Variants in ZNF385D observed in about 807,000 individuals in gnomAD.
The protein encoded by ZNF385D is zinc finger protein 659.
In ZNF385D, 15 loss-of-function variants were observed where a neutral mutation model predicts 35.8. The observed-to-expected ratio is 0.42, with a 90% CI of 0.28 to 0.64. ZNF385D has a LOEUF of 0.64. Ranked by LOEUF, ZNF385D falls within the 30% of genes least tolerant of loss-of-function variation. The probability of loss-of-function intolerance (pLI) is 0.23; values close to 1 mark genes in which losing one functional copy is unlikely to be tolerated. For missense variants in ZNF385D, 474 were observed against 494.6 expected (o/e 0.96, Z 0.39); for synonymous variants, 212 against 186.8 (o/e 1.13, Z -1.10).
intron 2 of ZNF385D, among the ~76,000 whole-genome samples, chr3:22,319,576 C>G (rs551236598): frequency 9.9e-5 from 15 of 152,208 alleles, no homozygotes; most frequent in African/African-American, 3.1e-4. Flanking sequence ...AAAATGCATA[C>G]AGAGCTAGCA....
intron 3 of ZNF385D, among the ~76,000 whole-genome samples, chr3:21,558,007 T>C (rs1019748754): frequency 9.2e-5 from 14 of 152,184 alleles, no homozygotes; most frequent in Non-Finnish European, 1.8e-4. Flanking sequence ...TACCCCTTTA[T>C]CATTTTTTAG....
chr3:21,864,334 G>A lies in ZNF385D; in HGVS notation c.326-199306C>T, dbSNP rs142277904. Reference sequence around the variant, plus strand: ...ATTTACGGTAAAAAGGGAATGCAGCGGATGCAAAGTCTTAGGAAAATTACA... The same window carrying A: ...ATTTACGGTAAAAAGGGAATGCAGCAGATGCAAAGTCTTAGGAAAATTACA... On this transcript the variant is annotated intron_variant, in intron 3 of 5. Coordinates refer to the ZNF385D transcript ENST00000494108. Among the ~76,000 whole-genome samples, 307 of 152,140 alleles carry A rather than the reference G, an allele frequency of 2.0e-3. 4 individuals carry two copies. The highest frequency in any genetic ancestry group is 7.0e-3 in the African/African-American group (292 of 41,530).
chr3:22,138,201 T>C (rs1057273992), intron 3 of ZNF385D, among the ~76,000 whole-genome samples: 5 of 152,226 alleles, frequency 3.3e-5, no homozygotes, highest in East Asian at 1.9e-4. Flanking sequence ...TCCATGCTCA[T>C]GGGTAGGAAG....
At chr3:22,048,824 A>T (rs1699170220) in intron 3 of ZNF385D, among the ~76,000 whole-genome samples, 3 of 152,222 alleles carry the variant, frequency 2.0e-5, no homozygotes, top group Non-Finnish European at 4.4e-5. Context: ...GAATTAGTAG[A>T]TCACTTTGGA....
intron 2 of ZNF385D, among the ~76,000 whole-genome samples, chr3:22,364,107 G>T (rs1407491855): frequency 1.3e-5 from 2 of 151,890 alleles, no homozygotes; most frequent in Non-Finnish European, 2.9e-5. Context: ...ATCATTCTAG[G>T]CTCTTATTTT....
intron 3 of ZNF385D, among the ~76,000 whole-genome samples, chr3:21,818,107 TC>T (rs1321248988): frequency 2.0e-5 from 3 of 150,736 alleles, no homozygotes; most frequent in South Asian, 2.1e-4. Flanking sequence ...ATGTTCTCAC[TC>T]ATAGGTGGGA....
chr3:21,751,539 C>G, upstream of ZNF385D: 1 of 735,364 alleles, frequency 1.4e-6, no homozygotes, highest in Non-Finnish European at 1.7e-6. Context: ...CAAAATTTAA[C>G]CTCCTCTACC....
intron 3 of ZNF385D, among the ~76,000 whole-genome samples, chr3:21,930,565 T>C (rs1158539169): frequency 6.6e-6 from 1 of 152,098 alleles, no homozygotes; most frequent in Admixed American, 6.5e-5. Flanking sequence ...AGAACTTATA[T>C]TTATCAATTG....
intron 3 of ZNF385D, among the ~76,000 whole-genome samples, chr3:22,114,131 GA>G (rs1702686454): frequency 6.6e-6 from 1 of 152,034 alleles, no homozygotes; most frequent in Non-Finnish European, 1.5e-5. Context: ...GTAACTGGAT[GA>G]AAACACAAAA....
intron 1 of ZNF385D, among the ~76,000 whole-genome samples, chr3:21,698,956 A>G (rs2067569903): frequency 6.6e-6 from 1 of 152,302 alleles, no homozygotes; most frequent in South Asian, 2.1e-4. Context: ...TAGAACCAGA[A>G]AAACCATTTG....
chr3:22,346,674 C>T (rs973019320), intron 2 of ZNF385D, among the ~76,000 whole-genome samples: 2 of 152,108 alleles, frequency 1.3e-5, no homozygotes, highest in African/African-American at 2.4e-5. Flanking sequence ...ATTTAGAAAC[C>T]GTTGTTCAAG....
chr3:22,223,725 T>A (rs938965992), intron 2 of ZNF385D, among the ~76,000 whole-genome samples: 2 of 152,152 alleles, frequency 1.3e-5, no homozygotes, highest in Admixed American at 1.3e-4. Context: ...TCCAACAACG[T>A]GTCAAGAGAA....
chr3:21,905,154 T>C (rs2125903831), intron 3 of ZNF385D, among the ~76,000 whole-genome samples: 1 of 137,360 alleles, frequency 7.3e-6, no homozygotes, highest in African/African-American at 2.8e-5. Context: ...AAATTAATGT[T>C]CATCAGTATC....
chr3:22,080,724 T>C (rs1293424307), intron 3 of ZNF385D, among the ~76,000 whole-genome samples: 1 of 152,058 alleles, frequency 6.6e-6, no homozygotes, highest in African/African-American at 2.4e-5. Context: ...ATCCCCAAGA[T>C]GATAGTATTA....
At chr3:22,359,123 G>A (rs1015610675) in intron 2 of ZNF385D, among the ~76,000 whole-genome samples, 6 of 149,412 alleles carry the variant, frequency 4.0e-5, no homozygotes, top group African/African-American at 9.8e-5. Context: ...TGATAACTAC[G>A]GTTGATTATT....
At chr3:22,222,554 G>T (rs1698320503) in intron 2 of ZNF385D, among the ~76,000 whole-genome samples, 1 of 152,102 alleles carries the variant, frequency 6.6e-6, no homozygotes, top group Non-Finnish European at 1.5e-5. Flanking sequence ...TTTATCTCTG[G>T]ACTTGAACTA....
intron 3 of ZNF385D, among the ~76,000 whole-genome samples, chr3:22,160,874 T>C (rs1705907280): frequency 6.6e-6 from 1 of 152,112 alleles, no homozygotes; most frequent in South Asian, 2.1e-4. Flanking sequence ...TCAACAAGCA[T>C]TAACAACAGC....
chr3:22,197,255 C>T (rs1414856689), intron 2 of ZNF385D, among the ~76,000 whole-genome samples: 2 of 151,978 alleles, frequency 1.3e-5, no homozygotes, highest in African/African-American at 4.8e-5. Flanking sequence ...GGCAGCATTT[C>T]TTTGACTATT....
At chr3:22,090,030 G>A (rs970991756) in intron 3 of ZNF385D, among the ~76,000 whole-genome samples, 3 of 151,904 alleles carry the variant, frequency 2.0e-5, no homozygotes, top group African/African-American at 7.2e-5. Context: ...AGTAGAGACA[G>A]GGTTTCACCA....
Sources: allele counts gnomAD v4.1 joint callset (sites outside exome capture counted in the v4.1 genomes callset), GRCh38; gene constraint gnomAD v4.1.1; transcripts MANE v1.5; gene names NCBI Gene and HGNC (gene_info 2026-07-23, HGNC 2026-07-21).